Variants in C9orf152 observed in about 807,000 individuals in gnomAD.
C9orf152 encodes chromosome 9 open reading frame 152, also known as uncharacterized protein C9orf152.
In C9orf152, 8 loss-of-function variants were observed where a neutral mutation model predicts 8.5. The ratio of observed to expected loss-of-function variants is 0.94; its 90% CI spans 0.55 to 1.70. C9orf152 has a LOEUF of 1.70. C9orf152 is among the 40% of genes most tolerant of loss of function. The pLI, the probability that C9orf152 is intolerant of heterozygous loss-of-function variation, is 0.00. For missense variants in C9orf152, 293 were observed against 286.2 expected (o/e 1.02, Z -0.17); for synonymous variants, 109 against 113.0 (o/e 0.96, Z 0.22).
intron 1 of C9orf152, among the ~76,000 whole-genome samples, chr9:110,206,754 C>T (rs1426099275): frequency 6.6e-6 from 1 of 152,250 alleles, no homozygotes; most frequent in Non-Finnish European, 1.5e-5. Context: ...TCCCTTCTCC[C>T]TCAACCTGTT....
At chr9:110,203,217 GT>G (rs1380166247) in intron 1 of C9orf152, among the ~76,000 whole-genome samples, 3 of 151,912 alleles carry the variant, frequency 2.0e-5, no homozygotes, top group African/African-American at 7.3e-5. Flanking sequence ...TAGAGACGGG[GT>G]TTCACTGTGT....
intron 1 of C9orf152, among the ~76,000 whole-genome samples, chr9:110,202,379 G>C (rs990627827): frequency 3.2e-4 from 48 of 152,082 alleles, no homozygotes; most frequent in African/African-American, 1.1e-3. Flanking sequence ...CACTGCGCTC[G>C]GCTGTGTCCT....
At chr9:110,206,511 G>A (rs1354995710) in intron 1 of C9orf152, among the ~76,000 whole-genome samples, 2 of 152,208 alleles carry the variant, frequency 1.3e-5, no homozygotes, top group Admixed American at 6.5e-5. Context: ...TGCCAGGAAC[G>A]AGGATTCCAT....
At chr9:110,203,133 T>C (rs1837240835) in intron 1 of C9orf152, among the ~76,000 whole-genome samples, 1 of 151,206 alleles carries the variant, frequency 6.6e-6, no homozygotes, top group African/African-American at 2.4e-5. Context: ...GCGATTCTCC[T>C]GCCTCAGCCT....
chr9:110,201,581 T>C, intron 1 of C9orf152, 107 bp from the exon 2 acceptor site: 1 of 834,076 alleles, frequency 1.2e-6, no homozygotes. Flanking sequence ...CCCCAGAAGG[T>C]TCCTGGTACA....
chr9:110,200,775 T>C lies in C9orf152; in HGVS notation c.*173A>G, dbSNP rs1360710447. 6 of 682,324 alleles carry C rather than the reference T, an allele frequency of 8.8e-6. No individual in the cohort carries two copies. The highest frequency in any genetic ancestry group is 7.2e-6 in the Non-Finnish European group (3 of 417,068). 42.3% of individuals were successfully genotyped at this position (682,324 alleles called of 1,614,324 possible). On this transcript the variant is annotated 3_prime_UTR_variant, in exon 2 of 2. Coordinates refer to ENST00000400613, the MANE Select transcript of C9orf152 (RefSeq NM_001012993.3). ...ATTTGGCCTGGGAAGTCTCTTCTTA[T>C]TGGAAGGGTAAAACCATGTTACCAT...
chr9:110,204,907 T>G (rs1288273981), intron 1 of C9orf152, among the ~76,000 whole-genome samples: 1 of 152,232 alleles, frequency 6.6e-6, no homozygotes, highest in Non-Finnish European at 1.5e-5. Context: ...CAGCATAATG[T>G]CCTCAAGTTT....
intron 1 of C9orf152, among the ~76,000 whole-genome samples, chr9:110,202,527 C>T (rs1040123501): frequency 6.6e-6 from 1 of 152,204 alleles, no homozygotes; most frequent in Non-Finnish European, 1.5e-5. Flanking sequence ...GCAGCATTTA[C>T]GGCTCCTCAG....
chr9:110,207,349 G>T, intron 1 of C9orf152, 38 bp downstream of exon 1: 2 of 1,593,646 alleles, frequency 1.3e-6, no homozygotes, highest in South Asian at 1.1e-5. Context: ...GGTCTCCCAT[G>T]GTAAGTCTCT....
chr9:110,203,510 G>T (rs1394294897), intron 1 of C9orf152, among the ~76,000 whole-genome samples: 3 of 152,142 alleles, frequency 2.0e-5, no homozygotes, highest in Non-Finnish European at 4.4e-5. Flanking sequence ...AAAGAGTTAG[G>T]CTGGGAGATA....
In C9orf152 at chr9:110,202,982, T is replaced by G. The variant is rs182610785; in HGVS notation, c.194-1508A>C. ...TTTGTAACTGGTTAATTCCTTAGTA[T>G]TATTTTCCAGCATGAAATGAAGAAA... On this transcript the variant is annotated intron_variant, in intron 1 of 1. Coordinates refer to ENST00000400613, the MANE Select transcript of C9orf152 (RefSeq NM_001012993.3). Among the ~76,000 whole-genome samples, 554 of 152,020 alleles carry G rather than the reference T, an allele frequency of 3.6e-3. 2 individuals carry two copies. Among genetic ancestry groups the G allele is most frequent in the African/African-American group, 0.012 (503 of 41,450 alleles).
chr9:110,201,217 GC>G lies in C9orf152; in HGVS notation c.450del (p.Arg150SerfsTer16), dbSNP rs1403919166. ...HRGKLVGSDQ[R>X]LPPEGDTHLF... ...AAGTGTGTGTCTCCTTCAGGAGGGA[GC>G]CTTTGATCAGATCCCACAAGCTTGC... On this transcript the variant is annotated frameshift_variant, in exon 2 of 2. Transcript: ENST00000400613. LOFTEE classifies it low-confidence loss of function (END_TRUNC). 2 of 1,614,010 alleles carry G rather than the reference GC, an allele frequency of 1.2e-6. No individual in the cohort carries two copies. The highest frequency in any genetic ancestry group is 1.7e-6 in the Non-Finnish European group (2 of 1,180,036).
chr9:110,205,923 G>A (rs1837269266), intron 1 of C9orf152, among the ~76,000 whole-genome samples: 1 of 152,124 alleles, frequency 6.6e-6, no homozygotes, highest in African/African-American at 2.4e-5. Context: ...CGAGCATGGT[G>A]GCAGGTGCCT....
At chr9:110,206,911 C>T (rs923575415) in intron 1 of C9orf152, among the ~76,000 whole-genome samples, 3 of 152,220 alleles carry the variant, frequency 2.0e-5, no homozygotes, top group East Asian at 1.9e-4. Flanking sequence ...ATCACACCTC[C>T]CTGCCTGATG....
Position 110,199,662 on chromosome 9 carries a change from T to G in C9orf152, c.*1286A>C, listed in dbSNP as rs182090245. 4.2e-4 allele frequency: 64 copies of G among 152,274 alleles called. No homozygotes were observed. The East Asian group carries it at 0.012, about 28-fold the overall frequency. The allele number at this position is 152,274 out of a possible 1,614,324, so 9.4% of individuals were successfully genotyped here. A position where few individuals can be genotyped will look rare whatever the true frequency, so the allele number is the denominator to read the frequency against. On this transcript the variant is annotated 3_prime_UTR_variant, in exon 2 of 2. Coordinates refer to ENST00000400613, the MANE Select transcript of C9orf152 (RefSeq NM_001012993.3). ...TGACAATCCCCAAATTTGAGTGGAT[T>G]TCTGGGTGGTTCAAGGAAGCTTCTA...
Position 110,207,749 on chromosome 9 carries a change from G to A in C9orf152, c.-170C>T, listed in dbSNP as rs574544755. 2.4e-4 allele frequency: 131 copies of A among 542,786 alleles called. 2 individuals are homozygous for A. The South Asian group carries it at 3.4e-3, about 14-fold the overall frequency. 33.6% of individuals were successfully genotyped at this position (542,786 alleles called of 1,614,324 possible). A position where few individuals can be genotyped will look rare whatever the true frequency, so the allele number is the denominator to read the frequency against. ...AATAAGGGGGAAGGAGAAAGATGAA[G>A]GGGAAGAGGAGGTAGGGATAGGGAG... On this transcript the variant is annotated 5_prime_UTR_variant, in exon 1 of 2. Coordinates refer to ENST00000400613, the MANE Select transcript of C9orf152 (RefSeq NM_001012993.3).
rs765730779 is a variant in C9orf152 at position 110,201,275 on chromosome 9, G to C, written c.393C>G (p.Pro131=). The part of the protein sequence containing the change: ...LEMHCLVQTS[P]QDTSHQVHHR... ...GATGTACTTGATGACTGGTGTCCTG[G>C]GGGGAGGTTTGGACCAAACAATGCA... Residue 131 remains proline, a synonymous_variant, in exon 2 of 2, where the codon CCC becomes CCG. Transcript: ENST00000400613. The C allele has an allele frequency of 1.7e-5, 27 of 1,613,936 alleles. No individual in the cohort carries two copies. Among genetic ancestry groups the C allele is most frequent in the African/African-American group, 5.3e-5 (4 of 74,886 alleles).
At chr9:110,202,210 A>G (rs1440708790) in intron 1 of C9orf152, among the ~76,000 whole-genome samples, 1 of 152,108 alleles carries the variant, frequency 6.6e-6, no homozygotes, top group East Asian at 1.9e-4. Context: ...CCTCCTGAGT[A>G]GCTGGGATTA....
intron 1 of C9orf152, 25 bp from the exon 2 acceptor site, chr9:110,201,499 G>A: frequency 2.0e-6 from 3 of 1,499,048 alleles, no homozygotes; most frequent in Non-Finnish European, 2.6e-6. Flanking sequence ...CACCAGCAGG[G>A]TCATCACTGG....
Sources: gnomAD v4.1 joint callset for allele counts (sites outside exome capture counted in the v4.1 genomes callset) on GRCh38, gnomAD v4.1.1 for gene constraint, MANE v1.5 for transcripts, NCBI Gene and HGNC (gene_info 2026-07-23, HGNC 2026-07-21) for gene names.